CBFA2T3: variants seen among roughly 807,000 people sequenced by gnomAD.
CBFA2T3 encodes the protein transcriptional corepressor CBFA2T3.
CBFA2T3 carries 31 observed loss-of-function variants against 58.6 expected under a neutral mutation model. The ratio of observed to expected loss-of-function variants is 0.53; its 90% confidence interval spans 0.40 to 0.71. The LOEUF is 0.71. Ranked by LOEUF, CBFA2T3 falls within the 30% of genes least tolerant of loss-of-function variation. The pLI, the probability that CBFA2T3 is intolerant of heterozygous loss-of-function variation, is 0.00. For synonymous variants in CBFA2T3, 531 were observed against 421.9 expected, an observed-to-expected ratio of 1.26 and a Z score of -3.17; for missense variants, 1,076 against 963.1, an observed-to-expected ratio of 1.12 and a Z score of -1.55.
chr16:88,962,152 C>G (rs1269317862), intron 1 of CBFA2T3, among the ~76,000 whole-genome samples: 1 of 148,624 alleles, frequency 6.7e-6, no homozygotes, highest in African/African-American at 2.5e-5. Flanking sequence ...CATTCCCATT[C>G]CATAGTAACC....
chr16:88,962,797 C>T (rs921902115), intron 1 of CBFA2T3, among the ~76,000 whole-genome samples: 11 of 152,348 alleles, frequency 7.2e-5, no homozygotes, highest in African/African-American at 2.4e-4. Flanking sequence ...GCTGCTTTCT[C>T]GTCTGTGCCC....
intron 1 of CBFA2T3, chr16:88,941,249 G>A (rs1971717729): frequency 1.2e-6 from 1 of 854,660 alleles, no homozygotes; most frequent in African/African-American, 1.8e-5. Context: ...CGGGAACAAA[G>A]CGCGCACCCC....
chr16:88,922,270 G>A (rs1359482022), intron 1 of CBFA2T3, among the ~76,000 whole-genome samples: 1 of 152,276 alleles, frequency 6.6e-6, no homozygotes, highest in Admixed American at 6.5e-5. Context: ...TAAGGATGCG[G>A]AGATGGCCAG....
At chr16:88,924,646 G>A (rs1971028774) in intron 1 of CBFA2T3, among the ~76,000 whole-genome samples, 1 of 152,226 alleles carries the variant, frequency 6.6e-6, no homozygotes, top group African/African-American at 2.4e-5. Flanking sequence ...GTGGCTCCCA[G>A]AGGCAGAGCC....
At chr16:88,974,219 T>TG (rs1176505179) in intron 1 of CBFA2T3, among the ~76,000 whole-genome samples, 1 of 152,104 alleles carries the variant, frequency 6.6e-6, no homozygotes, top group Non-Finnish European at 1.5e-5. Flanking sequence ...AAAGTGGGCT[T>TG]GGGGGGACAA....
At chr16:88,928,803 C>G (rs1807260490) in intron 1 of CBFA2T3, among the ~76,000 whole-genome samples, 1 of 152,214 alleles carries the variant, frequency 6.6e-6, no homozygotes, top group Non-Finnish European at 1.5e-5. Flanking sequence ...GGGTGGGTGA[C>G]TGGATGGCCA....
In CBFA2T3 at chr16:88,885,861, C is replaced by T; in HGVS notation, c.893+100G>A. ...AGCCCGAGAGAGCCGGCCGGGCTGG[C>T]TGCAGCCCCAGAGGAGGTTCCCTCT... is the stretch of plus-strand genomic sequence containing the variant. On this transcript the variant is annotated intron_variant, in intron 6 of 11. Transcript: ENST00000268679. This position sits in a 1 kb window ranked among gnomAD's most constrained non-coding sequence, Gnocchi z 5.3. The T allele has an allele frequency of 9.2e-7, 1 of 1,085,706 alleles. No individual in the cohort carries two copies. Among genetic ancestry groups the T allele is most frequent in the Non-Finnish European group, 1.3e-6 (1 of 759,234 alleles). The allele number at this position is 1,085,706 out of a possible 1,614,324, so 67.3% of individuals were successfully genotyped here. A position where few individuals can be genotyped will look rare whatever the true frequency, so the allele number is the denominator to read the frequency against.
chr16:88,885,427 C>A lies in CBFA2T3; in HGVS notation c.894-158G>T, dbSNP rs1969323331. On this transcript the variant is annotated intron_variant, in intron 6 of 11. Transcript: ENST00000268679. This position sits in a 1 kb window ranked among gnomAD's most constrained non-coding sequence, Gnocchi z 5.3. ...AGCAAAACACCAGCCCCGGGAAGCC[C>A]AGCCCGGCGCCCCCACTCTCTGCCC... 6.6e-6 allele frequency among the ~76,000 whole-genome samples: 1 copy of A among 152,062 alleles called. No individual in the cohort carries two copies. The highest frequency in any genetic ancestry group is 1.5e-5 in the Non-Finnish European group (1 of 67,976).
At chr16:88,922,675 C>A (rs1291775171) in intron 1 of CBFA2T3, among the ~76,000 whole-genome samples, 2 of 152,236 alleles carry the variant, frequency 1.3e-5, no homozygotes, top group African/African-American at 4.8e-5. Flanking sequence ...TGTTCCTGGG[C>A]AAATCCCGCC....
At chr16:88,898,232 C>T in intron 2 of CBFA2T3, 80 bp from the exon 3 acceptor site, 1 of 1,053,804 alleles carries the variant, frequency 9.5e-7, no homozygotes, top group South Asian at 1.3e-5. Flanking sequence ...CCGCGGCCAC[C>T]TTTTCCTACT....
intron 1 of CBFA2T3, among the ~76,000 whole-genome samples, chr16:88,916,261 C>T (rs1433138928): frequency 6.9e-6 from 1 of 144,370 alleles, no homozygotes; most frequent in Admixed American, 6.9e-5. Flanking sequence ...CATGCGTGTG[C>T]ATGGCTGTGT....
intron 5 of CBFA2T3, among the ~76,000 whole-genome samples, chr16:88,890,905 G>T (rs1443671658): frequency 1.3e-5 from 2 of 152,104 alleles, no homozygotes; most frequent in South Asian, 4.1e-4. Context: ...GTAGAGATGG[G>T]GTCTAGCTGT....
At position 88,964,339 on chromosome 16, in the gene CBFA2T3, C is replaced by T. The variant is rs916176034; in HGVS notation, c.151+12318G>A. 2.6e-5 allele frequency among the ~76,000 whole-genome samples: 4 copies of T among 152,350 alleles called. No individual in the cohort carries two copies. The East Asian group carries it at 5.8e-4, about 22-fold the overall frequency. ...ACAGACCCAAAGGTGTAAAAAATCACGTTGACTTCTGGCCCTCCTGGTGTT... is the reference window on the plus strand; with the variant it reads ...ACAGACCCAAAGGTGTAAAAAATCATGTTGACTTCTGGCCCTCCTGGTGTT... On this transcript the variant is annotated intron_variant, in intron 1 of 11. Transcript: ENST00000268679.
At chr16:88,945,360 G>A (rs1971874999) in intron 1 of CBFA2T3, among the ~76,000 whole-genome samples, 1 of 152,182 alleles carries the variant, frequency 6.6e-6, no homozygotes, top group Admixed American at 6.5e-5. Context: ...AAGACACTAT[G>A]AAGAGAATGA....
intron 1 of CBFA2T3, among the ~76,000 whole-genome samples, chr16:88,975,120 G>GACCCTCTCTGCTCCTGACCTGCA (rs1567643739): frequency 7.4e-5 from 8 of 107,990 alleles, no homozygotes; most frequent in South Asian, 3.1e-4. Flanking sequence ...AGGCCACCCT[G>GACCCTCTCTGCTCCTGACCTGCA]GCCCTCTGCT....
chr16:88,965,531 G>T (rs1419853336), intron 1 of CBFA2T3, among the ~76,000 whole-genome samples: 2 of 152,232 alleles, frequency 1.3e-5, no homozygotes, highest in Admixed American at 6.5e-5. Flanking sequence ...CAACCCAGGG[G>T]GCTAGGTCCC....
chr16:88,910,560 G>C (rs529900), intron 1 of CBFA2T3, among the ~76,000 whole-genome samples: 58,109 of 152,158 alleles, frequency 0.38, 11,528 homozygotes, highest in Middle Eastern at 0.48. Context: ...ATCTGAAGGC[G>C]TGGGGACAGG....
In CBFA2T3 at chr16:88,898,633, G is replaced by A. The variant is rs548086998; in HGVS notation, c.305-481C>T. 1.9e-3 allele frequency among the ~76,000 whole-genome samples: 289 copies of A among 152,318 alleles called. 2 individuals are homozygous for A. The highest frequency in any genetic ancestry group is 3.4e-3 in the Middle Eastern group (1 of 292). ...CATGAGCACCATCCTCAGGGACCTG[G>A]GCCGAAGCCGCGTGTCCTAAAAGCG... On this transcript the variant is annotated intron_variant, in intron 2 of 11. Coordinates refer to ENST00000268679, the MANE Select transcript of CBFA2T3 (RefSeq NM_005187.6).
chr16:88,898,117 G>C lies in CBFA2T3; in HGVS notation c.340C>G (p.Arg114Gly). ...EDGPATLPHGRFHGCLKWSMV... is the reference protein window; with the variant it reads ...EDGPATLPHGGFHGCLKWSMV... Reference sequence around the variant, plus strand: ...GACCATTTTAAGCAGCCATGAAAACGGCCGTGGGGCAGCGTCGCAGGCCCG... The same window carrying C: ...GACCATTTTAAGCAGCCATGAAAACCGCCGTGGGGCAGCGTCGCAGGCCCG... The change falls in exon 3 of 12, where the codon CGT becomes GGT. Residue 114 changes from arginine to glycine, a missense_variant. Physicochemically the swap from Arg to Gly is moderately radical, Grantham distance 125. Coordinates refer to ENST00000268679, the MANE Select transcript of CBFA2T3 (RefSeq NM_005187.6). 1 of 1,613,218 alleles carries C rather than the reference G, an allele frequency of 6.2e-7. No homozygotes were observed. The highest frequency in any genetic ancestry group is 8.5e-7 in the Non-Finnish European group (1 of 1,179,784).
Sources: gnomAD v4.1 joint callset for allele counts (sites outside exome capture counted in the v4.1 genomes callset) on GRCh38, gnomAD v4.1.1 for gene constraint, Gnocchi (gnomAD v3.1) non-coding constraint, MANE v1.5 for transcripts, NCBI Gene and HGNC (gene_info 2026-07-23, HGNC 2026-07-21) for gene names.